Variants in ANKS1B observed in about 807,000 individuals in gnomAD.
ANKS1B encodes ankyrin repeat and sterile alpha motif domain containing 1B.
In ANKS1B, 36 loss-of-function variants were observed where a neutral mutation model predicts 148.3. The ratio of observed to expected loss-of-function variants is 0.24; its 90% confidence interval spans 0.19 to 0.32. The LOEUF is 0.32. ANKS1B is among the 10% of genes least tolerant of loss of function. The pLI is 1.00. For missense variants in ANKS1B, 1,157 were observed against 1,542.6 expected, an observed-to-expected ratio of 0.75 and a Z score of 4.19; for synonymous variants, 542 against 560.8, an observed-to-expected ratio of 0.97 and a Z score of 0.47.
chr12:99,025,035 G>A (rs1275715435), intron 17 of ANKS1B, among the ~76,000 whole-genome samples: 1 of 152,062 alleles, frequency 6.6e-6, no homozygotes, highest in African/African-American at 2.4e-5. Flanking sequence ...CCAAAACCTG[G>A]TGATTCCCCG....
chr12:98,904,417 T>C (rs1294827813), intron 17 of ANKS1B, among the ~76,000 whole-genome samples: 1 of 152,244 alleles, frequency 6.6e-6, no homozygotes, highest in African/African-American at 2.4e-5. Flanking sequence ...GGACACATGA[T>C]AGCTCTACAA....
chr12:98,834,061 C>A (rs112944765), intron 17 of ANKS1B, among the ~76,000 whole-genome samples: 10 of 152,202 alleles, frequency 6.6e-5, no homozygotes, highest in African/African-American at 9.6e-5. Flanking sequence ...CCTTTGACAG[C>A]CACCCTCTGA....
rs1269381758 is a variant in ANKS1B at position 99,766,073 on chromosome 12, G to A, written c.1128+6849C>T. 1.3e-5 allele frequency among the ~76,000 whole-genome samples: 2 copies of A among 152,088 alleles called. 1 individual carries two copies. Among genetic ancestry groups the A allele is most frequent in the Non-Finnish European group, 2.9e-5 (2 of 68,014 alleles). ...GGAAAAACCTCCACTTTGGTCTCTG[G>A]AATTCATCTCCAAATAATTAAATGC... On this transcript the variant is annotated intron_variant, in intron 8 of 26. Coordinates refer to ENST00000683438, the MANE Select transcript of ANKS1B (RefSeq NM_001352186.2).
At chr12:99,895,042 C>G (rs567455514) in intron 1 of ANKS1B, among the ~76,000 whole-genome samples, 1 of 150,956 alleles carries the variant, frequency 6.6e-6, no homozygotes, top group African/African-American at 2.4e-5. Flanking sequence ...TTTTATATGT[C>G]AATTTGGCTG....
At position 99,687,806 on chromosome 12, in the gene ANKS1B, T is replaced by C. The variant is rs1034845069; in HGVS notation, c.1129-32596A>G. 5.9e-5 allele frequency among the ~76,000 whole-genome samples: 9 copies of C among 152,206 alleles called. 1 individual carries two copies. The highest frequency in any genetic ancestry group is 5.2e-4 in the Admixed American group (8 of 15,276). On this transcript the variant is annotated intron_variant, in intron 8 of 26. Transcript: ENST00000683438. Reference sequence around the variant, plus strand: ...AACAGCTTTGCTGCTAAATCTATTGTCTCTGTTTCTACTGATTTATTTATT... The same window carrying C: ...AACAGCTTTGCTGCTAAATCTATTGCCTCTGTTTCTACTGATTTATTTATT...
chr12:99,359,671 G>A (rs527394382), intron 12 of ANKS1B, among the ~76,000 whole-genome samples: 6 of 151,990 alleles, frequency 3.9e-5, no homozygotes, highest in Admixed American at 1.3e-4. Flanking sequence ...CTCGTGTAAC[G>A]GGGAATGCAA....
At chr12:99,691,226 C>T (rs572016577) in intron 8 of ANKS1B, among the ~76,000 whole-genome samples, 103 of 152,332 alleles carry the variant, frequency 6.8e-4, no homozygotes, top group African/African-American at 2.3e-3. Flanking sequence ...TCCTCCCAGG[C>T]CTCTGGACCT....
Position 98,782,115 on chromosome 12 carries a change from G to A in ANKS1B, c.3354+11C>T, listed in dbSNP as rs1200200885. The A allele has an allele frequency of 3.1e-6, 5 of 1,597,342 alleles. No individual in the cohort carries two copies. Among genetic ancestry groups the A allele is most frequent in the East Asian group, 2.2e-5 (1 of 44,466 alleles). On this transcript the variant is annotated intron_variant, in intron 23 of 26. Transcript: ENST00000683438. ...TAGTAATAATCACACTAAACATCAA[G>A]AAGAACCTACCTGACAGTTAGCCTG...
At chr12:99,180,972 A>G (rs2079046937) in intron 14 of ANKS1B, among the ~76,000 whole-genome samples, 2 of 152,134 alleles carry the variant, frequency 1.3e-5, no homozygotes, top group Non-Finnish European at 2.9e-5. Context: ...TCTGGGGTGA[A>G]TCTGAACAAA....
intron 17 of ANKS1B, among the ~76,000 whole-genome samples, chr12:99,000,268 C>CTT (rs905457820): frequency 2.6e-4 from 32 of 125,430 alleles, no homozygotes; most frequent in South Asian, 7.6e-4. Flanking sequence ...TTTCTTTTTC[C>CTT]TTTTTTTTTT....
intron 17 of ANKS1B, among the ~76,000 whole-genome samples, chr12:99,046,320 G>A (rs538623287): frequency 7.2e-5 from 11 of 151,756 alleles, no homozygotes; most frequent in South Asian, 2.1e-4. Flanking sequence ...AATGTCTGGC[G>A]TGTAATAAAA....
chr12:99,354,922 G>A (rs1002539516), intron 12 of ANKS1B, among the ~76,000 whole-genome samples: 3 of 151,976 alleles, frequency 2.0e-5, no homozygotes, highest in African/African-American at 7.2e-5. Context: ...ACCTTCCACA[G>A]CTCTTAGTAC....
In ANKS1B at chr12:99,244,392, A is replaced by G; in HGVS notation, c.2369T>C (p.Ile790Thr). The change falls in exon 14 of 27, where the codon ATA (isoleucine) becomes ACA (threonine). Residue 790 changes from isoleucine (I) to threonine (T), a missense_variant. Physicochemically the swap from Ile to Thr is moderately conservative, Grantham distance 89 (BLOSUM62 -1). Around this residue, in one of 6 missense-constraint regions of ANKS1B, gnomAD observed 661 missense variants for 642.1 expected, o/e 1.03. Transcript: ENST00000683438. ...AAGTTCGTTGTTGATTCCAACATCTATGGAACTCATTATTTTGTCAATCTG... is the reference window on the plus strand; with the variant it reads ...AAGTTCGTTGTTGATTCCAACATCTGTGGAACTCATTATTTTGTCAATCTG... ...WEEIDKIMSS[I>T]DVGINNELKE... 6.2e-7 allele frequency: 1 copy of G among 1,606,182 alleles called. No individual in the cohort carries two copies. The highest frequency in any genetic ancestry group is 8.5e-7 in the Non-Finnish European group (1 of 1,177,140).
At chr12:99,880,616 C>A (rs2092419949) in intron 1 of ANKS1B, among the ~76,000 whole-genome samples, 1 of 152,166 alleles carries the variant, frequency 6.6e-6, no homozygotes, top group African/African-American at 2.4e-5. Context: ...TAGTTGTGTA[C>A]ATGTGATGCT....
At chr12:99,857,690 T>C (rs1237582094) in intron 1 of ANKS1B, among the ~76,000 whole-genome samples, 1 of 152,030 alleles carries the variant, frequency 6.6e-6, no homozygotes, top group Non-Finnish European at 1.5e-5. Context: ...AAAATAGGTA[T>C]ATAAGCCAAT....
At chr12:99,759,116 A>G (rs2061843687) in intron 8 of ANKS1B, among the ~76,000 whole-genome samples, 4 of 151,844 alleles carry the variant, frequency 2.6e-5, no homozygotes. Flanking sequence ...CTTTCTCCAA[A>G]TTAAGACTTT....
chr12:99,067,377 T>C (rs181233384), intron 16 of ANKS1B, among the ~76,000 whole-genome samples: 3 of 152,316 alleles, frequency 2.0e-5, no homozygotes, highest in African/African-American at 7.2e-5. Context: ...CAGACATCAG[T>C]ACCTTTGACA....
intron 26 of ANKS1B, among the ~76,000 whole-genome samples, chr12:98,749,493 C>T (rs1184905753): frequency 6.6e-6 from 1 of 152,126 alleles, no homozygotes; most frequent in Non-Finnish European, 1.5e-5. Flanking sequence ...GAATTAAAAG[C>T]AGATGACATG....
intron 8 of ANKS1B, among the ~76,000 whole-genome samples, chr12:99,679,575 G>A (rs908991110): frequency 6.6e-6 from 1 of 152,126 alleles, no homozygotes; most frequent in African/African-American, 2.4e-5. Context: ...CTCCCAAAGT[G>A]CTGGGATAAC....
Sources: allele counts gnomAD v4.1 joint callset (sites outside exome capture counted in the v4.1 genomes callset), GRCh38; gene constraint gnomAD v4.1.1; regional missense constraint gnomAD v4.1.1; transcripts MANE v1.5; gene names NCBI Gene and HGNC (gene_info 2026-07-23, HGNC 2026-07-21).